Variants in SGCZ observed in about 807,000 individuals in gnomAD.
The protein encoded by SGCZ is zeta-sarcoglycan.
In SGCZ, 40 loss-of-function variants were observed where a neutral mutation model predicts 41.3. That is an observed-to-expected ratio of 0.97 (90% CI 0.75 to 1.26). The LOEUF is 1.26. Among genes scored for constraint, SGCZ ranks in the 50% most tolerant of loss-of-function variants. The pLI is 0.00. For synonymous variants in SGCZ, 206 were observed against 137.5 expected, an observed-to-expected ratio of 1.50 and a Z score of -3.49; for missense variants, 552 against 369.8, an observed-to-expected ratio of 1.49 and a Z score of -4.04.
intron 2 of SGCZ, among the ~76,000 whole-genome samples, chr8:14,415,052 T>C (rs67208007): frequency 6.6e-6 from 1 of 151,638 alleles, no homozygotes; most frequent in Non-Finnish European, 1.5e-5. Context: ...CTGCTACTTA[T>C]ATCTTTTTTT....
At chr8:14,867,261 T>G (rs1182566326) in intron 1 of SGCZ, among the ~76,000 whole-genome samples, 5 of 152,142 alleles carry the variant, frequency 3.3e-5, no homozygotes, top group African/African-American at 1.2e-4. Context: ...TCTCCATCCA[T>G]ATCCCTGCAA....
At chr8:14,612,995 T>C (rs1029554770) in intron 1 of SGCZ, among the ~76,000 whole-genome samples, 3 of 152,060 alleles carry the variant, frequency 2.0e-5, no homozygotes, top group Admixed American at 2.0e-4. Context: ...AAAAAGCAGA[T>C]TTTTTAAAGA....
At chr8:15,123,129 C>T (rs186423222) in intron 1 of SGCZ, among the ~76,000 whole-genome samples, 32 of 152,192 alleles carry the variant, frequency 2.1e-4, no homozygotes, top group Admixed American at 1.6e-3. Context: ...AAGGGCTCAC[C>T]GTCATGACAC....
chr8:14,391,258 G>C (rs13271858), intron 2 of SGCZ, among the ~76,000 whole-genome samples: 27,663 of 152,000 alleles, frequency 0.18, 3,216 homozygotes, highest in Non-Finnish European at 0.27. Flanking sequence ...AATAGGTTCA[G>C]TCTTCTGACA....
At chr8:14,678,403 G>T (rs1237274726) in intron 1 of SGCZ, among the ~76,000 whole-genome samples, 1 of 152,118 alleles carries the variant, frequency 6.6e-6, no homozygotes. Flanking sequence ...CACCAAAGAA[G>T]ATGTACCAAT....
chr8:14,195,689 G>C (rs1340089442), intron 4 of SGCZ, among the ~76,000 whole-genome samples: 1 of 152,106 alleles, frequency 6.6e-6, no homozygotes, highest in East Asian at 1.9e-4. Flanking sequence ...GAGTAACAAA[G>C]ATAAGGAAGG....
chr8:14,104,252 C>G (rs1286521287), intron 6 of SGCZ, among the ~76,000 whole-genome samples: 1 of 152,144 alleles, frequency 6.6e-6, no homozygotes, highest in Non-Finnish European at 1.5e-5. Flanking sequence ...GAAAGCACTA[C>G]AGCAAATATA....
intron 1 of SGCZ, among the ~76,000 whole-genome samples, chr8:15,156,879 A>G (rs1057497249): frequency 6.0e-5 from 9 of 149,824 alleles, no homozygotes; most frequent in African/African-American, 2.2e-4. Flanking sequence ...CAGGAGACGG[A>G]GGTGGCAGTA....
intron 1 of SGCZ, among the ~76,000 whole-genome samples, chr8:15,150,089 CA>C (rs35378615): frequency 0.73 from 111,260 of 152,076 alleles, 41,468 homozygotes; most frequent in South Asian, 0.83. Flanking sequence ...AAAGGCTCTA[CA>C]ATCAAAATGT....
intron 1 of SGCZ, among the ~76,000 whole-genome samples, chr8:15,154,889 A>G (rs60404729): frequency 0.21 from 32,204 of 152,120 alleles, 3,789 homozygotes; most frequent in East Asian, 0.47. Context: ...GATAGGAGGA[A>G]TAAGCTCTAG....
chr8:14,335,096 T>C (rs775284735), intron 2 of SGCZ, among the ~76,000 whole-genome samples: 15 of 152,110 alleles, frequency 9.9e-5, no homozygotes, highest in Non-Finnish European at 1.9e-4. Flanking sequence ...TAGGCAGCAA[T>C]ATGATTGATA....
chr8:15,068,999 C>T (rs1394152591), intron 1 of SGCZ, among the ~76,000 whole-genome samples: 2 of 152,238 alleles, frequency 1.3e-5, no homozygotes, highest in Middle Eastern at 3.4e-3. Flanking sequence ...AAAAGCTGAT[C>T]GCCAAAAAAT....
At chr8:15,117,815 C>G (rs918604274) in intron 1 of SGCZ, among the ~76,000 whole-genome samples, 2 of 152,156 alleles carry the variant, frequency 1.3e-5, no homozygotes, top group African/African-American at 4.8e-5. Flanking sequence ...TTGTAACTGG[C>G]AGGCTAAGTA....
intron 5 of SGCZ, among the ~76,000 whole-genome samples, chr8:14,118,569 G>T (rs1802596503): frequency 6.6e-6 from 1 of 152,122 alleles, no homozygotes; most frequent in Admixed American, 6.6e-5. Context: ...AGTTTAATTA[G>T]ATCCCATTTG....
intron 1 of SGCZ, among the ~76,000 whole-genome samples, chr8:14,995,201 T>G (rs1802173084): frequency 6.6e-6 from 1 of 152,260 alleles, no homozygotes. Context: ...GATGATTTGG[T>G]TTTATTTCTG....
At chr8:15,146,731 A>T (rs1350867798) in intron 1 of SGCZ, among the ~76,000 whole-genome samples, 7 of 152,234 alleles carry the variant, frequency 4.6e-5, no homozygotes, top group South Asian at 2.1e-4. Context: ...CTATTTTTTT[A>T]AATTATGTAT....
At chr8:14,364,284 G>A (rs1192624951) in intron 2 of SGCZ, among the ~76,000 whole-genome samples, 1 of 152,066 alleles carries the variant, frequency 6.6e-6, no homozygotes, top group Non-Finnish European at 1.5e-5. Flanking sequence ...CCTGTTGGTG[G>A]ACCCCGATGG....
intron 3 of SGCZ, among the ~76,000 whole-genome samples, chr8:14,290,009 T>C (rs891374307): frequency 6.6e-6 from 1 of 151,728 alleles, no homozygotes; most frequent in Non-Finnish European, 1.5e-5. Flanking sequence ...TTGTGAGAAC[T>C]CCAGCATTAT....
At chr8:14,431,014 C>T (rs1799928678) in intron 2 of SGCZ, among the ~76,000 whole-genome samples, 1 of 152,112 alleles carries the variant, frequency 6.6e-6, no homozygotes, top group South Asian at 2.1e-4. Context: ...ACAAGGAAAA[C>T]TACAAAACAC....
Sources: gnomAD v4.1 joint callset for allele counts (sites outside exome capture counted in the v4.1 genomes callset) on GRCh38, gnomAD v4.1.1 for gene constraint, MANE v1.5 for transcripts, NCBI Gene and HGNC (gene_info 2026-07-23, HGNC 2026-07-21) for gene names.